The following SEM1 variants were observed in gnomAD, a reference collection of about 807,000 sequenced individuals.
The protein encoded by SEM1 is SEM1 26S proteasome subunit.
A neutral mutation model predicts 12.7 loss-of-function variants in SEM1; 3 were observed. That is an observed-to-expected ratio of 0.24 (90% CI 0.11 to 0.61). SEM1 has a LOEUF of 0.61. Among genes scored for constraint, SEM1 ranks in the 20% least tolerant of loss-of-function variants. The pLI is 0.88. For missense variants in SEM1, 59 were observed against 81.3 expected, an observed-to-expected ratio of 0.73 and a Z score of 1.06; for synonymous variants, 30 against 27.8, an observed-to-expected ratio of 1.08 and a Z score of -0.25.
intron 1 of SEM1, among the ~76,000 whole-genome samples, chr7:96,492,574 T>A (rs1803051753): frequency 6.9e-6 from 1 of 145,000 alleles, no homozygotes. Flanking sequence ...CATGCCCGAC[T>A]AATTTTTTGT....
intron 2 of SEM1, among the ~76,000 whole-genome samples, chr7:96,624,493 A>T (rs976280486): frequency 6.6e-6 from 1 of 152,160 alleles, no homozygotes; most frequent in Non-Finnish European, 1.5e-5. Flanking sequence ...TAGCTGTGGG[A>T]TCTCAGGTCA....
intron 1 of SEM1, among the ~76,000 whole-genome samples, chr7:96,708,460 A>G (rs891734461): frequency 6.6e-6 from 1 of 152,252 alleles, no homozygotes; most frequent in Non-Finnish European, 1.5e-5. Context: ...AACTTGGGAC[A>G]ATTTTAGTGA....
At chr7:96,663,468 A>T (rs1448752733) in intron 2 of SEM1, among the ~76,000 whole-genome samples, 1 of 152,144 alleles carries the variant, frequency 6.6e-6, no homozygotes, top group Non-Finnish European at 1.5e-5. Context: ...TGTGGGGGAG[A>T]GTCTGAGACT....
chr7:96,585,137 T>G (rs1381485255), intron 2 of SEM1, among the ~76,000 whole-genome samples: 1 of 152,204 alleles, frequency 6.6e-6, no homozygotes, highest in African/African-American at 2.4e-5. Flanking sequence ...GATGTACAGA[T>G]GGGTTTTTTG....
At chr7:96,665,787 T>C (rs1028147681) in intron 2 of SEM1, among the ~76,000 whole-genome samples, 1 of 152,150 alleles carries the variant, frequency 6.6e-6, no homozygotes, top group African/African-American at 2.4e-5. Context: ...GTTTTTAAGG[T>C]CTCCAAGTGA....
chr7:96,580,699 T>A (rs1432703319), intron 2 of SEM1, among the ~76,000 whole-genome samples: 5 of 151,856 alleles, frequency 3.3e-5, no homozygotes, highest in African/African-American at 1.2e-4. Flanking sequence ...GTGGTTTTGA[T>A]TTGCATTTCT....
At chr7:96,584,511 G>C (rs1478304559) in intron 2 of SEM1, among the ~76,000 whole-genome samples, 1 of 151,956 alleles carries the variant, frequency 6.6e-6, no homozygotes, top group East Asian at 1.9e-4. Flanking sequence ...CTGAACGTTG[G>C]CCTGCCTTGC....
At chr7:96,533,405 G>A (rs888377697) in intron 2 of SEM1, among the ~76,000 whole-genome samples, 2 of 151,916 alleles carry the variant, frequency 1.3e-5, no homozygotes, top group Admixed American at 1.3e-4. Context: ...AGAGTCACCC[G>A]CAAAATTGCT....
chr7:96,545,986 T>C (rs1306018395), intron 2 of SEM1, among the ~76,000 whole-genome samples: 1 of 152,110 alleles, frequency 6.6e-6, no homozygotes, highest in African/African-American at 2.4e-5. Flanking sequence ...AAGAACCTAA[T>C]TTGCTTGCAT....
At chr7:96,495,330 C>G (rs1263928260) in intron 1 of SEM1, among the ~76,000 whole-genome samples, 1 of 152,102 alleles carries the variant, frequency 6.6e-6, no homozygotes, top group Non-Finnish European at 1.5e-5. Flanking sequence ...ACTTTCTGTT[C>G]TCTTCTCTTT....
exon 4 of SEM1, chr7:96,482,628 A>G (rs191308414): frequency 3.3e-5 from 5 of 152,276 alleles, no homozygotes; most frequent in Non-Finnish European, 7.4e-5. Context: ...AGATGGGTCA[A>G]CAAGCCTTAC....
chr7:96,567,050 G>C (rs771179408), intron 2 of SEM1, among the ~76,000 whole-genome samples: 1 of 151,482 alleles, frequency 6.6e-6, no homozygotes, highest in Non-Finnish European at 1.5e-5. Context: ...GTACCTTGTA[G>C]AACTAATGTC....
intron 2 of SEM1, among the ~76,000 whole-genome samples, chr7:96,609,082 T>C (rs1807468535): frequency 6.6e-6 from 1 of 152,206 alleles, no homozygotes; most frequent in South Asian, 2.1e-4. Context: ...GGTTCCTGCT[T>C]TTTCACATCC....
intron 2 of SEM1, among the ~76,000 whole-genome samples, chr7:96,588,297 C>G (rs1806710052): frequency 6.6e-6 from 1 of 150,842 alleles, no homozygotes; most frequent in Non-Finnish European, 1.5e-5. Context: ...CAATGAGCCA[C>G]GATCACACCA....
chr7:96,561,818 G>A (rs1805698048), intron 2 of SEM1, among the ~76,000 whole-genome samples: 1 of 152,216 alleles, frequency 6.6e-6, no homozygotes, highest in African/African-American at 2.4e-5. Flanking sequence ...AGAAAGCTCT[G>A]TGGTGGCCCC....
At chr7:96,682,370 C>T (rs929076389) in intron 2 of SEM1, among the ~76,000 whole-genome samples, 19 of 151,928 alleles carry the variant, frequency 1.3e-4, no homozygotes, top group African/African-American at 4.3e-4. Context: ...ATGTGAATAC[C>T]CTTTATTTCT....
chr7:96,666,764 C>A (rs1163986266), intron 2 of SEM1, among the ~76,000 whole-genome samples: 4 of 151,750 alleles, frequency 2.6e-5, no homozygotes, highest in African/African-American at 9.7e-5. Flanking sequence ...CTCTCTCTTA[C>A]CATGCTTCTC....
intron 2 of SEM1, among the ~76,000 whole-genome samples, chr7:96,693,790 G>GTGTGTGTGTGTGTGTGTGTGTA (rs1023821213): frequency 6.9e-6 from 1 of 145,546 alleles, no homozygotes; most frequent in African/African-American, 2.6e-5. Flanking sequence ...GTGTGTGTGT[G>GTGTGTGTGTGTGTGTGTGTGTA]TATATATATA....
intron 2 of SEM1, among the ~76,000 whole-genome samples, chr7:96,642,416 C>T (rs777002325): frequency 1.3e-4 from 20 of 152,004 alleles, no homozygotes; most frequent in Non-Finnish European, 2.4e-4. Context: ...CAATTACATC[C>T]TCAAAAATTG....
Sources: allele counts gnomAD v4.1 joint callset (sites outside exome capture counted in the v4.1 genomes callset), GRCh38; gene constraint gnomAD v4.1.1; transcripts MANE v1.5; gene names NCBI Gene and HGNC (gene_info 2026-07-23, HGNC 2026-07-21).